NIPSNAP3A: variants seen among roughly 807,000 people sequenced by gnomAD.
The protein encoded by NIPSNAP3A is nipsnap homolog 3A.
NIPSNAP3A carries 27 observed loss-of-function variants against 32.3 expected under a neutral mutation model. The observed-to-expected ratio is 0.84, with a 90% CI of 0.62 to 1.15. The LOEUF (loss-of-function observed/expected upper bound fraction) is 1.15, where lower values mean the gene tolerates loss of function less well. NIPSNAP3A is among the 50% of genes most tolerant of loss of function. The pLI, the probability that NIPSNAP3A is intolerant of heterozygous loss-of-function variation, is 0.00. For synonymous variants in NIPSNAP3A, 108 were observed against 107.3 expected, an observed-to-expected ratio of 1.01 and a Z score of -0.04; for missense variants, 278 against 297.2, an observed-to-expected ratio of 0.94 and a Z score of 0.48.
At chr9:104,754,348 TAAC>T (rs1827880728) in intron 3 of NIPSNAP3A, 200 bp from the exon 4 acceptor site, 2 of 521,874 alleles carry the variant, frequency 3.8e-6, no homozygotes, top group Non-Finnish European at 6.8e-6. Flanking sequence ...TGATTAAGCA[TAAC>T]AACTCACTCT....
intron 4 of NIPSNAP3A, among the ~76,000 whole-genome samples, chr9:104,756,239 A>G (rs1157747605): frequency 1.3e-5 from 2 of 152,188 alleles, no homozygotes; most frequent in South Asian, 2.1e-4. Context: ...AATGAAAAAA[A>G]TTTAATTCAT....
chr9:104,752,685 T>C (rs1345108822), intron 2 of NIPSNAP3A, among the ~76,000 whole-genome samples: 1 of 152,160 alleles, frequency 6.6e-6, no homozygotes, highest in African/African-American at 2.4e-5. Flanking sequence ...CTATAAAGCC[T>C]ATTATGTGGC....
intron 2 of NIPSNAP3A, among the ~76,000 whole-genome samples, chr9:104,751,419 A>G (rs1827847589): frequency 6.6e-6 from 1 of 152,220 alleles, no homozygotes. Context: ...ATGGCATCTC[A>G]TATATCAAGC....
intron 3 of NIPSNAP3A, among the ~76,000 whole-genome samples, 165 bp downstream of exon 3, chr9:104,753,229 T>C (rs1827867690): frequency 6.7e-6 from 1 of 149,716 alleles, no homozygotes; most frequent in Admixed American, 6.6e-5. Context: ...TCTTACCCCA[T>C]CCTTTAAAAA....
intron 1 of NIPSNAP3A, among the ~76,000 whole-genome samples, chr9:104,748,145 T>C (rs139077440): frequency 3.3e-5 from 5 of 152,276 alleles, no homozygotes; most frequent in African/African-American, 4.8e-5. Context: ...GACACTCCCA[T>C]GGCGCCGGCT....
At position 104,751,064 on chromosome 9, in the gene NIPSNAP3A, G is replaced by A; in HGVS notation, c.169G>A (p.Glu57Lys). ...GATGAATGAGTTCCTGGAAAATTTTGAGAAAAACGCTCATCTTCGGACAGC... is the reference window on the plus strand; with the variant it reads ...GATGAATGAGTTCCTGGAAAATTTTAAGAAAAACGCTCATCTTCGGACAGC... ...SKMNEFLENF[E>K]KNAHLRTAHS... Residue 57 changes from glutamate to lysine, a missense_variant, in exon 2 of 6, where the codon GAG becomes AAG. Glu to Lys is a moderately conservative substitution (Grantham distance 56). Transcript: ENST00000374767. The A allele has an allele frequency of 6.2e-7, 1 of 1,614,018 alleles. No homozygotes were observed. Among genetic ancestry groups the A allele is most frequent in the Non-Finnish European group, 8.5e-7 (1 of 1,179,948 alleles).
At chr9:104,752,097 A>T (rs1023363236) in intron 2 of NIPSNAP3A, among the ~76,000 whole-genome samples, 1 of 152,180 alleles carries the variant, frequency 6.6e-6, no homozygotes, top group Non-Finnish European at 1.5e-5. Flanking sequence ...TAAGATAGGT[A>T]TTCTTCCTTA....
intron 4 of NIPSNAP3A, among the ~76,000 whole-genome samples, chr9:104,756,274 T>C (rs1444132654): frequency 6.6e-6 from 1 of 152,126 alleles, no homozygotes; most frequent in Non-Finnish European, 1.5e-5. Context: ...AAAATGTAGA[T>C]GAATTTATTT....
intron 4 of NIPSNAP3A, among the ~76,000 whole-genome samples, chr9:104,756,532 C>G (rs917196980): frequency 2.6e-5 from 4 of 151,818 alleles, no homozygotes. Flanking sequence ...ATTTCTTTAC[C>G]TTATAAAAGG....
At chr9:104,750,522 C>T (rs181591725) in intron 1 of NIPSNAP3A, among the ~76,000 whole-genome samples, 1 of 152,294 alleles carries the variant, frequency 6.6e-6, no homozygotes, top group East Asian at 1.9e-4. Context: ...ATACCCTCTT[C>T]ATTTACATAG....
At position 104,750,975 on chromosome 9, in the gene NIPSNAP3A, C is replaced by A; in HGVS notation, c.80C>A (p.Thr27Lys). 1.9e-6 allele frequency: 3 copies of A among 1,613,082 alleles called. No homozygotes were observed. Among genetic ancestry groups the A allele is most frequent in the Non-Finnish European group, 2.5e-6 (3 of 1,179,076 alleles). The change falls in exon 2 of 6, where the codon ACG becomes AAG. Residue 27 changes from threonine (T) to lysine (K), a missense_variant. Transcript: ENST00000374767. The stretch of plus-strand genomic sequence containing the variant: ...CTTCAGATGTGCTCATCTTTTGCTA[C>A]GGGACCCAGACAATACGATGGAATA... ...LAPQMCSSFATGPRQYDGIFY... is the reference protein window; with the variant it reads ...LAPQMCSSFAKGPRQYDGIFY...
intron 4 of NIPSNAP3A, among the ~76,000 whole-genome samples, chr9:104,757,388 G>A (rs907020377): frequency 1.3e-5 from 2 of 152,004 alleles, no homozygotes; most frequent in Non-Finnish European, 2.9e-5. Context: ...TTGACTTTGG[G>A]TAAGTAAACC....
chr9:104,754,085 G>T, intron 3 of NIPSNAP3A: 1 of 155,260 alleles, frequency 6.4e-6, no homozygotes, highest in Non-Finnish European at 1.4e-5. Flanking sequence ...TCTTTGCTTT[G>T]CTGTTCCTGT....
chr9:104,751,171 A>G lies in NIPSNAP3A; in HGVS notation c.271+5A>G. On this transcript the variant is annotated splice_donor_5th_base_variant and intron_variant, in intron 2 of 5. Coordinates refer to ENST00000374767, the MANE Select transcript of NIPSNAP3A (RefSeq NM_015469.3). ...TGTTTCATATTTGGAAGTATGGTAA[A>G]GAGTCATCCAATTTTGGCTTTCAGT... The G allele has an allele frequency of 1.2e-6, 2 of 1,611,402 alleles. No homozygotes were observed. The highest frequency in any genetic ancestry group is 2.2e-5 in the East Asian group (1 of 44,838).
chr9:104,757,450 C>T (rs901988608), intron 4 of NIPSNAP3A, among the ~76,000 whole-genome samples: 2 of 151,982 alleles, frequency 1.3e-5, no homozygotes, highest in Non-Finnish European at 2.9e-5. Context: ...TTATGAGGAC[C>T]TAGATTATTA....
intron 4 of NIPSNAP3A, among the ~76,000 whole-genome samples, chr9:104,756,455 G>A (rs1827907304): frequency 1.3e-5 from 2 of 151,924 alleles, no homozygotes; most frequent in Non-Finnish European, 2.9e-5. Flanking sequence ...TTATGCAAAA[G>A]TAGACATGCA....
intron 1 of NIPSNAP3A, among the ~76,000 whole-genome samples, chr9:104,748,668 A>G (rs1827808464): frequency 6.6e-6 from 1 of 152,176 alleles, no homozygotes; most frequent in South Asian, 2.1e-4. Flanking sequence ...AACCTGTCCT[A>G]GAGACAGACT....
In NIPSNAP3A at chr9:104,759,470, T is replaced by G. The variant is rs892392696; in HGVS notation, c.*132T>G. On this transcript the variant is annotated 3_prime_UTR_variant, in exon 6 of 6. Transcript: ENST00000374767. ...AGTTAATTTGCTATGTTTCTTGCAT[T>G]ATGAAGGCTACATCTGTGCTTTGTA... 1.5e-5 allele frequency: 13 copies of G among 840,758 alleles called. No individual in the cohort carries two copies. In the East Asian group the frequency reaches 2.6e-4, roughly 17 times the overall value. The allele number at this position is 840,758 out of a possible 1,614,324, so 52.1% of individuals were successfully genotyped here.
At chr9:104,750,858 T>C (rs375018859) in intron 1 of NIPSNAP3A, 98 bp from the exon 2 acceptor site, 9 of 916,718 alleles carry the variant, frequency 9.8e-6, no homozygotes, top group African/African-American at 6.5e-5. Flanking sequence ...GAGTAATGAG[T>C]CTATGAGTGT....
Sources: allele counts gnomAD v4.1 joint callset (sites outside exome capture counted in the v4.1 genomes callset), GRCh38; gene constraint gnomAD v4.1.1; transcripts MANE v1.5; gene names NCBI Gene and HGNC (gene_info 2026-07-23, HGNC 2026-07-21).